Variants in GOLPH3 observed in about 807,000 individuals in gnomAD.
GOLPH3 encodes the protein golgi phosphoprotein 3, also known as coat protein GPP34.
Under a neutral mutation model 28.5 loss-of-function variants are expected in GOLPH3, and 14 were observed. The ratio of observed to expected loss-of-function variants is 0.49; its 90% confidence interval spans 0.32 to 0.77. The LOEUF is 0.77. GOLPH3 is among the 30% of genes least tolerant of loss of function. GOLPH3 has a pLI of 0.03. For synonymous variants in GOLPH3, 158 were observed against 159.2 expected, an observed-to-expected ratio of 0.99 and a Z score of 0.06; for missense variants, 350 against 393.7, an observed-to-expected ratio of 0.89 and a Z score of 0.94.
intron 1 of GOLPH3, among the ~76,000 whole-genome samples, chr5:32,145,513 G>C (rs1746166849): frequency 6.6e-6 from 1 of 152,206 alleles, no homozygotes; most frequent in Admixed American, 6.5e-5. Context: ...ATCTGGCTTT[G>C]ACTGGCCTGG....
At chr5:32,136,144 C>T (rs537311196) in intron 2 of GOLPH3, among the ~76,000 whole-genome samples, 11 of 152,012 alleles carry the variant, frequency 7.2e-5, no homozygotes, top group Admixed American at 6.5e-4. Flanking sequence ...CGCTGCACTC[C>T]ACCCTGGACG....
chr5:32,148,844 G>A (rs377233542), intron 1 of GOLPH3, among the ~76,000 whole-genome samples: 9 of 152,156 alleles, frequency 5.9e-5, no homozygotes, highest in Admixed American at 2.0e-4. Context: ...GCGTGGTGGC[G>A]CATGCCTGTA....
chr5:32,142,472 T>TG (rs1267482879), intron 2 of GOLPH3, among the ~76,000 whole-genome samples: 31 of 135,610 alleles, frequency 2.3e-4, no homozygotes, highest in East Asian at 7.1e-4. Flanking sequence ...GGGAGGGAGG[T>TG]GGGGGGGTCA....
chr5:32,160,897 C>T (rs1746556191), intron 1 of GOLPH3, among the ~76,000 whole-genome samples: 1 of 151,766 alleles, frequency 6.6e-6, no homozygotes, highest in Non-Finnish European at 1.5e-5. Flanking sequence ...GAAACCCCGT[C>T]GCTACTAAAA....
chr5:32,163,307 G>C (rs1418410004), intron 1 of GOLPH3, among the ~76,000 whole-genome samples: 1 of 152,186 alleles, frequency 6.6e-6, no homozygotes, highest in Non-Finnish European at 1.5e-5. Context: ...GCAGGATAAA[G>C]TTAATAATTC....
Position 32,158,699 on chromosome 5 carries a change from TAC to T in GOLPH3, c.226-14821_226-14820del, listed in dbSNP as rs1746509395. Among the ~76,000 whole-genome samples the T allele has an allele frequency of 3.3e-5, 5 of 152,300 alleles. No individual in the cohort carries two copies. The South Asian group carries it at 8.3e-4, about 25-fold the overall frequency. ...CTCCAACGGAGTGCTCTTGGCCACT[TAC>T]ACAGACTTCTCAGGTACTCTCACTT... is the stretch of plus-strand genomic sequence containing the variant. On this transcript the variant is annotated intron_variant, in intron 1 of 3. Transcript: ENST00000265070.
intron 3 of GOLPH3, among the ~76,000 whole-genome samples, chr5:32,132,850 C>G (rs1745850886): frequency 6.6e-6 from 1 of 151,994 alleles, no homozygotes; most frequent in Non-Finnish European, 1.5e-5. Flanking sequence ...TTTTTATTTT[C>G]TTCTTTTTAC....
At chr5:32,149,975 A>T (rs1342360752) in intron 1 of GOLPH3, among the ~76,000 whole-genome samples, 1 of 152,048 alleles carries the variant, frequency 6.6e-6, no homozygotes, top group Non-Finnish European at 1.5e-5. Flanking sequence ...AAAAGAGTGA[A>T]ACTGTCTCAA....
intron 1 of GOLPH3, among the ~76,000 whole-genome samples, chr5:32,144,645 CACAA>C (rs1236304181): frequency 6.6e-6 from 1 of 152,134 alleles, no homozygotes. Context: ...CACATGCGCC[CACAA>C]ACAAATGGAT....
At chr5:32,158,569 C>G (rs764225038) in intron 1 of GOLPH3, among the ~76,000 whole-genome samples, 7 of 152,132 alleles carry the variant, frequency 4.6e-5, no homozygotes, top group Non-Finnish European at 8.8e-5. Context: ...ATCAGCAAGT[C>G]CATCTCCACT....
At chr5:32,137,465 C>A (rs1220563324) in intron 2 of GOLPH3, among the ~76,000 whole-genome samples, 2 of 151,796 alleles carry the variant, frequency 1.3e-5, no homozygotes, top group Non-Finnish European at 2.9e-5. Flanking sequence ...TTGAGACCAG[C>A]CTGGCCAACA....
At chr5:32,158,174 C>CACACACTG (rs1491510840) in intron 1 of GOLPH3, among the ~76,000 whole-genome samples, 3 of 139,128 alleles carry the variant, frequency 2.2e-5, no homozygotes, top group African/African-American at 2.7e-5. Context: ...CACACACACA[C>CACACACTG]GGCAAAATCA....
chr5:32,131,063 A>G (rs1745815757), intron 3 of GOLPH3, among the ~76,000 whole-genome samples: 2 of 152,220 alleles, frequency 1.3e-5, no homozygotes, highest in South Asian at 4.1e-4. Flanking sequence ...CAAAGGAAGC[A>G]ATAAAAAGGG....
chr5:32,155,621 G>GT (rs1456991494), intron 1 of GOLPH3, among the ~76,000 whole-genome samples: 1 of 152,036 alleles, frequency 6.6e-6, no homozygotes, highest in Non-Finnish European at 1.5e-5. Flanking sequence ...TAGCAAAAGA[G>GT]TAAGGCTATA....
intron 1 of GOLPH3, among the ~76,000 whole-genome samples, chr5:32,171,328 T>C (rs1746832259): frequency 6.6e-6 from 1 of 152,160 alleles, no homozygotes. Flanking sequence ...TAAGAAAATT[T>C]ACCAATTTAT....
chr5:32,169,468 A>G (rs1746785613), intron 1 of GOLPH3, among the ~76,000 whole-genome samples: 1 of 152,180 alleles, frequency 6.6e-6, no homozygotes, highest in Admixed American at 6.5e-5. Context: ...CAAAGAATAC[A>G]CTTTGGACAG....
At chr5:32,146,369 T>G (rs2111861767) in intron 1 of GOLPH3, among the ~76,000 whole-genome samples, 1 of 152,042 alleles carries the variant, frequency 6.6e-6, no homozygotes, top group East Asian at 1.9e-4. Flanking sequence ...TAGTCATAAT[T>G]AGTTCCTATG....
chr5:32,158,090 CAAAA>C (rs1354704917), intron 1 of GOLPH3, among the ~76,000 whole-genome samples: 4 of 95,810 alleles, frequency 4.2e-5, no homozygotes, highest in African/African-American at 1.0e-4. Context: ...AACTCTGTCT[CAAAA>C]TAAATAAATA....
Position 32,126,630 on chromosome 5 carries a change from G to GTCTCAC in GOLPH3, c.473_478dup (p.Glu159_Thr160insSerGlu). On this transcript the variant is annotated inframe_insertion, in exon 4 of 4. Coordinates refer to ENST00000265070, the MANE Select transcript of GOLPH3 (RefSeq NM_022130.4). ...ATAATGCAATTTTAATGGATTCCAT[G>GTCTCAC]TCTCACCTAAACAAAAGATTTCAGA... 1 of 1,609,568 alleles carries GTCTCAC rather than the reference G, an allele frequency of 6.2e-7. No individual in the cohort carries two copies. The highest frequency in any genetic ancestry group is 8.5e-7 in the Non-Finnish European group (1 of 1,177,812).
Sources: allele counts gnomAD v4.1 joint callset (sites outside exome capture counted in the v4.1 genomes callset), GRCh38; gene constraint gnomAD v4.1.1; transcripts MANE v1.5; gene names NCBI Gene and HGNC (gene_info 2026-07-23, HGNC 2026-07-21).